RRAS2: variants seen among roughly 807,000 people sequenced by gnomAD.
RRAS2 encodes ras-related protein R-Ras2.
A neutral mutation model predicts 27.6 loss-of-function variants in RRAS2; 7 were observed. The ratio of observed to expected loss-of-function variants is 0.25; its 90% CI spans 0.14 to 0.48. The LOEUF is 0.48. Among genes scored for constraint, RRAS2 ranks in the 20% least tolerant of loss-of-function variants. The pLI is 0.99. For missense variants in RRAS2, 178 were observed against 256.2 expected (o/e 0.69, Z 2.08); for synonymous variants, 86 against 90.9 (o/e 0.95, Z 0.31).
At chr11:14,347,784 TAC>T (rs2134031747) in intron 1 of RRAS2, among the ~76,000 whole-genome samples, 1 of 152,118 alleles carries the variant, frequency 6.6e-6, no homozygotes, top group Non-Finnish European at 1.5e-5. Context: ...ACCACTACAC[TAC>T]AGCCTGACCT....
intron 1 of RRAS2, among the ~76,000 whole-genome samples, chr11:14,311,860 T>C (rs1033792483): frequency 7.2e-5 from 11 of 151,818 alleles, no homozygotes; most frequent in Admixed American, 7.2e-4. Flanking sequence ...TTTGTTACTG[T>C]GAAAAACTTT....
At chr11:14,356,272 C>G (rs1849071538) in intron 1 of RRAS2, among the ~76,000 whole-genome samples, 1 of 152,112 alleles carries the variant, frequency 6.6e-6, no homozygotes, top group Non-Finnish European at 1.5e-5. Flanking sequence ...TCCCCACTTG[C>G]CACCTCCTCT....
In RRAS2 at chr11:14,277,931, C is replaced by T. The variant is rs750354022; in HGVS notation, c.*1406G>A. On this transcript the variant is annotated 3_prime_UTR_variant, in exon 6 of 6. Transcript: ENST00000256196. ...GTAATCAAACATCATCTTGTGATAA[C>T]AGATCAATTTTAATTCTAGCACCTG... The T allele has an allele frequency of 6.6e-6, 1 of 152,184 alleles. No homozygotes were observed. Among genetic ancestry groups the T allele is most frequent in the Non-Finnish European group, 1.5e-5 (1 of 68,026 alleles). The allele number at this position is 152,184 out of a possible 1,614,324, so 9.4% of individuals were successfully genotyped here.
intron 1 of RRAS2, among the ~76,000 whole-genome samples, chr11:14,307,687 G>A (rs1554948296): frequency 7.9e-5 from 12 of 151,640 alleles, no homozygotes. Flanking sequence ...ATAGCACATA[G>A]CCTGCGACAG....
Position 14,342,249 on chromosome 11 carries a change from C to T in RRAS2, c.108+16514G>A, listed in dbSNP as rs116496392. 6.4e-3 allele frequency among the ~76,000 whole-genome samples: 974 copies of T among 152,188 alleles called. 9 individuals are homozygous for T. The highest frequency in any genetic ancestry group is 0.022 in the African/African-American group (920 of 41,532). ...TGTTGGCACTTTTATTCCAACTTAA[C>T]GTTAATAGTTCTGTAGTGAGAAGAG... is the stretch of plus-strand genomic sequence containing the variant. On this transcript the variant is annotated intron_variant, in intron 1 of 5. Coordinates refer to ENST00000256196, the MANE Select transcript of RRAS2 (RefSeq NM_012250.6).
rs781971039 is a variant in RRAS2 at position 14,285,582 on chromosome 11, C to T, written c.409-3862G>A. On this transcript the variant is annotated intron_variant, in intron 4 of 5. Transcript: ENST00000256196. ...TCCATTTGGTATCATTTCCCTTCTG[C>T]CTAAGGACATCTTTTCACATTTCTT... 6.0e-4 allele frequency among the ~76,000 whole-genome samples: 91 copies of T among 152,166 alleles called. 3 individuals carry two copies. Among genetic ancestry groups the T allele is most frequent in the Admixed American group, 1.2e-3 (19 of 15,280 alleles).
chr11:14,336,411 C>T (rs1178426422), intron 1 of RRAS2, among the ~76,000 whole-genome samples: 2 of 151,888 alleles, frequency 1.3e-5, no homozygotes, highest in African/African-American at 2.4e-5. Flanking sequence ...ACACCAACAT[C>T]GAGATAACAA....
At chr11:14,348,352 T>C (rs939606984) in intron 1 of RRAS2, among the ~76,000 whole-genome samples, 10 of 152,340 alleles carry the variant, frequency 6.6e-5, no homozygotes, top group Admixed American at 1.3e-4. Flanking sequence ...TGAGACTATA[T>C]TAACATCTAC....
intron 1 of RRAS2, among the ~76,000 whole-genome samples, chr11:14,334,974 G>A (rs941702930): frequency 6.6e-5 from 10 of 152,048 alleles, no homozygotes; most frequent in Non-Finnish European, 1.3e-4. Flanking sequence ...CCCATCCAGC[G>A]GTCTGGCTTC....
chr11:14,340,044 G>A (rs1848669364), intron 1 of RRAS2, among the ~76,000 whole-genome samples: 1 of 151,024 alleles, frequency 6.6e-6, no homozygotes, highest in South Asian at 2.1e-4. Context: ...GCTTGAGCCA[G>A]GGTTTGGGGG....
upstream of RRAS2, among the ~76,000 whole-genome samples, chr11:14,360,460 G>GCA (rs548969580): frequency 3.7e-3 from 558 of 152,112 alleles, 1 homozygote; most frequent in Middle Eastern, 0.024. Context: ...AAGTGTAGTG[G>GCA]CACAATCATG....
chr11:14,293,983 G>A (rs1447392511), intron 4 of RRAS2, among the ~76,000 whole-genome samples: 1 of 152,168 alleles, frequency 6.6e-6, no homozygotes, highest in East Asian at 1.9e-4. Context: ...AAGTGTTAGA[G>A]CTAGCCAATG....
intron 1 of RRAS2, among the ~76,000 whole-genome samples, chr11:14,347,333 C>A (rs1848856582): frequency 1.3e-5 from 2 of 152,020 alleles, no homozygotes; most frequent in Admixed American, 6.6e-5. Flanking sequence ...AATAACAAAA[C>A]AGAATGCAGA....
At chr11:14,294,658 T>A (rs782126956) in intron 3 of RRAS2, 79 bp from the exon 4 acceptor site, 18 of 1,453,526 alleles carry the variant, frequency 1.2e-5, no homozygotes, top group African/African-American at 2.9e-5. Context: ...CCCCAATTAG[T>A]ACTTTATTTT....
chr11:14,307,263 G>GA (rs1232148203), intron 1 of RRAS2, among the ~76,000 whole-genome samples: 8 of 149,834 alleles, frequency 5.3e-5, no homozygotes, highest in African/African-American at 1.5e-4. Flanking sequence ...AAGGAAGAGG[G>GA]AAAAAAAAAC....
rs1265051480 is a variant in RRAS2, at chr11:14,278,965, T to C, written c.*372A>G. ...CCTATATTTCTATTTAGAGTAACAG[T>C]AGGCAGTATGATTCCAAAAGTTAAA... is the stretch of plus-strand genomic sequence containing the variant. On this transcript the variant is annotated 3_prime_UTR_variant, in exon 6 of 6. Transcript: ENST00000256196. 2 of 172,584 alleles carry C rather than the reference T, an allele frequency of 1.2e-5. No individual in the cohort carries two copies. The highest frequency in any genetic ancestry group is 1.1e-4 in the Admixed American group (2 of 18,062). 10.7% of individuals were successfully genotyped at this position (172,584 alleles called of 1,614,324 possible). A position where few individuals can be genotyped will look rare whatever the true frequency, so the allele number is the denominator to read the frequency against.
At chr11:14,327,177 A>C (rs1371678283) in intron 1 of RRAS2, among the ~76,000 whole-genome samples, 1 of 152,266 alleles carries the variant, frequency 6.6e-6, no homozygotes, top group Non-Finnish European at 1.5e-5. Flanking sequence ...ACCAATTAAA[A>C]TTAAATCAAA....
At chr11:14,344,465 A>T (rs1554953822) in intron 1 of RRAS2, among the ~76,000 whole-genome samples, 2 of 152,322 alleles carry the variant, frequency 1.3e-5, no homozygotes, top group Middle Eastern at 3.4e-3. Context: ...TAGAGGCAAA[A>T]AGGACAAAAT....
chr11:14,281,317 G>C (rs1478836971), intron 5 of RRAS2, among the ~76,000 whole-genome samples: 1 of 152,192 alleles, frequency 6.6e-6, no homozygotes, highest in Non-Finnish European at 1.5e-5. Flanking sequence ...TAGCACAGAA[G>C]CTGGCAGAGA....
Sources: gnomAD v4.1 joint callset for allele counts (sites outside exome capture counted in the v4.1 genomes callset) on GRCh38, gnomAD v4.1.1 for gene constraint, MANE v1.5 for transcripts, NCBI Gene and HGNC (gene_info 2026-07-23, HGNC 2026-07-21) for gene names.